The following CTSA variants were observed in gnomAD, a reference collection of about 807,000 sequenced individuals.
CTSA encodes the protein lysosomal protective protein.
CTSA carries 42 observed loss-of-function variants against 66.7 expected under a neutral mutation model. The observed-to-expected ratio is 0.63, with a 90% confidence interval of 0.49 to 0.81. The LOEUF is 0.81. CTSA is among the 40% of genes least tolerant of loss of function. The pLI is 0.00. For synonymous variants in CTSA, 225 were observed against 248.6 expected (o/e 0.91, Z 0.89); for missense variants, 525 against 610.9 (o/e 0.86, Z 1.48).
rs1280862492 is a variant in CTSA, at chr20:45,894,253, G to A, written c.777+181G>A. 4.4e-6 allele frequency: 3 copies of A among 675,544 alleles called. No homozygotes were observed. The East Asian group carries it at 8.1e-5, about 18-fold the overall frequency. 41.8% of individuals were successfully genotyped at this position (675,544 alleles called of 1,614,324 possible). A position where few individuals can be genotyped will look rare whatever the true frequency, so the allele number is the denominator to read the frequency against. On this transcript the variant is annotated intron_variant, in intron 8 of 14. Transcript: ENST00000646241. ...TATTCCCACCACCACCTCCTATGGT[G>A]GCAAATCCCATAACCTCCGTGAGGA...
intron 11 of CTSA, 137 bp from the exon 12 acceptor site, chr20:45,896,828 C>A: frequency 2.6e-6 from 2 of 765,034 alleles, no homozygotes; most frequent in Non-Finnish European, 4.6e-6. Context: ...AGAGGTGGCC[C>A]CCCCCCAAAA....
chr20:45,894,581 G>A (rs917769500), intron 8 of CTSA, 69 bp from the exon 9 acceptor site: 5 of 1,378,822 alleles, frequency 3.6e-6, no homozygotes, highest in Non-Finnish European at 5.2e-6. Context: ...GTAAATCTTG[G>A]GACAACTTGG....
intron 7 of CTSA, among the ~76,000 whole-genome samples, 189 bp from the exon 8 acceptor site, chr20:45,893,799 G>A (rs899597517): frequency 3.3e-5 from 5 of 152,120 alleles, no homozygotes; most frequent in African/African-American, 1.2e-4. Flanking sequence ...GAACTAAGGA[G>A]GCCTGTCTGT....
chr20:45,896,011 A>G (rs1473828977), intron 11 of CTSA, among the ~76,000 whole-genome samples: 1 of 152,196 alleles, frequency 6.6e-6, no homozygotes, highest in Non-Finnish European at 1.5e-5. Flanking sequence ...CCTGGCCAAC[A>G]TGAAGAAACC....
chr20:45,892,388 T>TC lies in CTSA; in HGVS notation c.358-6dup. On this transcript the variant is annotated splice_polypyrimidine_tract_variant and intron_variant, in intron 4 of 14. Coordinates refer to ENST00000646241, the MANE Select transcript of CTSA (RefSeq NM_000308.4). Reference sequence around the variant, plus strand: ...GGGTGGCATTTAGCTAATTTTTCCCTCCCCTCTAGATTGCCAATGTGTTAT... The same window carrying TC: ...GGGTGGCATTTAGCTAATTTTTCCCTCCCCCTCTAGATTGCCAATGTGTTAT... 2 of 1,613,968 alleles carry TC rather than the reference T, an allele frequency of 1.2e-6. No individual in the cohort carries two copies. Among genetic ancestry groups the TC allele is most frequent in the Non-Finnish European group, 1.7e-6 (2 of 1,179,896 alleles).
Position 45,895,019 on chromosome 20 carries a change from T to C in CTSA, c.974T>C (p.Val325Ala), listed in dbSNP as rs1987171419. 1 of 1,614,086 alleles carries C rather than the reference T, an allele frequency of 6.2e-7. No homozygotes were observed. The highest frequency in any genetic ancestry group is 8.5e-7 in the Non-Finnish European group (1 of 1,180,016). The change falls in exon 11 of 15, where the codon GTG becomes GCG. Residue 325 changes from valine (V) to alanine (A), a missense_variant. Physicochemically the swap from Val to Ala is moderately conservative, Grantham distance 64. Coordinates refer to ENST00000646241, the MANE Select transcript of CTSA (RefSeq NM_000308.4). Reference protein sequence around the residue: ...HQALLRSGDKVRMDPPCTNTT... With the variant: ...HQALLRSGDKARMDPPCTNTT... ...GCACTGCTGCGCTCAGGGGATAAAGTGCGCATGGACCCCCCCTGCACCAAC... is the reference window on the plus strand; with the variant it reads ...GCACTGCTGCGCTCAGGGGATAAAGCGCGCATGGACCCCCCCTGCACCAAC...
At position 45,892,427 on chromosome 20, in the gene CTSA, A is replaced by C; in HGVS notation, c.387A>C (p.Pro129=). 6.2e-7 allele frequency: 1 copy of C among 1,614,154 alleles called. No homozygotes were observed. Residue 129 remains proline, a synonymous_variant, in exon 5 of 15, where the codon CCA becomes CCC. Coordinates refer to ENST00000646241, the MANE Select transcript of CTSA (RefSeq NM_000308.4). ...LIANVLYLES[P]AGVGFSYSDD... is the part of the protein sequence containing the mutation. ...CCAATGTGTTATACCTGGAGTCCCC[A>C]GCTGGGGTGGGCTTCTCCTACTCCG...
chr20:45,891,974 G>A lies in CTSA; in HGVS notation c.253G>A (p.Gly85Ser). The change falls in exon 3 of 15, where the codon GGT becomes AGT. Residue 85 changes from glycine (G) to serine (S), a missense_variant. By Grantham distance (56) the Gly-to-Ser change is moderately conservative. Around this residue, in one of 3 missense-constraint regions of CTSA, gnomAD observed 246 missense variants for 267.4 expected, o/e 0.92. Coordinates refer to ENST00000646241, the MANE Select transcript of CTSA (RefSeq NM_000308.4). The surrounding 1 kb of genome is among the most constrained non-coding windows in gnomAD (Gnocchi z 4.6). ...CCCTGTGGTGCTTTGGCTCAATGGG[G>A]GTCCCGGCTGCAGCTCACTAGATGG... Reference protein sequence around the residue: ...NSPVVLWLNGGPGCSSLDGLL... With the variant: ...NSPVVLWLNGSPGCSSLDGLL... The A allele has an allele frequency of 6.2e-7, 1 of 1,614,132 alleles. No homozygotes were observed. The highest frequency in any genetic ancestry group is 8.5e-7 in the Non-Finnish European group (1 of 1,180,022).
intron 8 of CTSA, 85 bp from the exon 9 acceptor site, chr20:45,894,565 A>C: frequency 1.6e-6 from 2 of 1,230,018 alleles, no homozygotes; most frequent in Non-Finnish European, 2.4e-6. Flanking sequence ...GTGAAATCCA[A>C]GAGCAGTAAA....
Position 45,898,557 on chromosome 20 carries a change from A to G in CTSA, c.*107A>G. 1 of 1,091,670 alleles carries G rather than the reference A, an allele frequency of 9.2e-7. No homozygotes were observed. Among genetic ancestry groups the G allele is most frequent in the Non-Finnish European group, 1.4e-6 (1 of 736,756 alleles). 67.6% of individuals were successfully genotyped at this position (1,091,670 alleles called of 1,614,324 possible). A position where few individuals can be genotyped will look rare whatever the true frequency, so the allele number is the denominator to read the frequency against. On this transcript the variant is annotated 3_prime_UTR_variant, in exon 15 of 15. Coordinates refer to ENST00000646241, the MANE Select transcript of CTSA (RefSeq NM_000308.4). This position sits in a 1 kb window ranked among gnomAD's most constrained non-coding sequence, Gnocchi z 4.6. Reference sequence around the variant, plus strand: ...CCCCTGCAGGCCGGGTTCTGCCGCCAGGACTGCCCCCTTCCCAGAGCCCTG... The same window carrying G: ...CCCCTGCAGGCCGGGTTCTGCCGCCGGGACTGCCCCCTTCCCAGAGCCCTG...
chr20:45,896,919 C>G, intron 11 of CTSA, 46 bp from the exon 12 acceptor site: 2 of 1,500,832 alleles, frequency 1.3e-6, no homozygotes, highest in South Asian at 1.1e-5. Context: ...GACTACTTTT[C>G]GCCCCGACCT....
rs578201110 is a variant in CTSA at position 45,891,511 on chromosome 20, G to C, written c.1-58G>C. 4 of 1,557,940 alleles carry C rather than the reference G, an allele frequency of 2.6e-6. No homozygotes were observed. The highest frequency in any genetic ancestry group is 3.5e-6 in the Non-Finnish European group (4 of 1,153,738). ...GAGGCGCCGCCAGCAACTCCCCGGG[G>C]GCTGCTGCACGGAAGCGCTGAGGAG... On this transcript the variant is annotated intron_variant, in intron 1 of 14. Transcript: ENST00000646241. This position sits in a 1 kb window ranked among gnomAD's most constrained non-coding sequence, Gnocchi z 4.6.
Position 45,898,551 on chromosome 20 carries a change from G to A in CTSA, c.*101G>A. On this transcript the variant is annotated 3_prime_UTR_variant, in exon 15 of 15. Coordinates refer to ENST00000646241, the MANE Select transcript of CTSA (RefSeq NM_000308.4). The surrounding 1 kb of genome is among the most constrained non-coding windows in gnomAD (Gnocchi z 4.6). ...AAAGTGCCCCTGCAGGCCGGGTTCT[G>A]CCGCCAGGACTGCCCCCTTCCCAGA... The A allele has an allele frequency of 1.7e-6, 2 of 1,185,738 alleles. No individual in the cohort carries two copies. The highest frequency in any genetic ancestry group is 2.0e-5 in the Admixed American group (1 of 51,238). The allele number at this position is 1,185,738 out of a possible 1,614,324, so 73.5% of individuals were successfully genotyped here. A position where few individuals can be genotyped will look rare whatever the true frequency, so the allele number is the denominator to read the frequency against.
intron 12 of CTSA, 143 bp downstream of exon 12, chr20:45,897,183 G>T: frequency 1.3e-6 from 1 of 757,056 alleles, no homozygotes; most frequent in Non-Finnish European, 2.3e-6. Context: ...GTGATTGGTG[G>T]GGTCAGAATT....
At position 45,898,385 on chromosome 20, in the gene CTSA, C is replaced by G. The variant is rs755298798; in HGVS notation, c.1378C>G (p.Pro460Ala). The change falls in exon 15 of 15, where the codon CCC becomes GCC. Residue 460 changes from proline to alanine, a missense_variant. Coordinates refer to ENST00000646241, the MANE Select transcript of CTSA (RefSeq NM_000308.4). The surrounding 1 kb of genome is among the most constrained non-coding windows in gnomAD (Gnocchi z 4.6). ...LTIKGAGHMVPTDKPLAAFTM... is the reference protein window; with the variant it reads ...LTIKGAGHMVATDKPLAAFTM... ...TCCTCAGGGCGCCGGCCACATGGTT[C>G]CCACCGACAAGCCCCTCGCTGCCTT... is the stretch of plus-strand genomic sequence containing the variant. 1 of 1,613,938 alleles carries G rather than the reference C, an allele frequency of 6.2e-7. No homozygotes were observed. Among genetic ancestry groups the G allele is most frequent in the Non-Finnish European group, 8.5e-7 (1 of 1,179,922 alleles).
In CTSA at chr20:45,898,567, C is replaced by CCT. The variant is rs1438798539; in HGVS notation, c.*118_*119dup. 4 of 1,010,136 alleles carry CCT rather than the reference C, an allele frequency of 4.0e-6. No individual in the cohort carries two copies. Among genetic ancestry groups the CCT allele is most frequent in the Non-Finnish European group, 4.5e-6 (3 of 664,484 alleles). 62.6% of individuals were successfully genotyped at this position (1,010,136 alleles called of 1,614,324 possible). A position where few individuals can be genotyped will look rare whatever the true frequency, so the allele number is the denominator to read the frequency against. On this transcript the variant is annotated 3_prime_UTR_variant, in exon 15 of 15. Transcript: ENST00000646241. The surrounding 1 kb of genome is among the most constrained non-coding windows in gnomAD (Gnocchi z 4.6). ...CCGGGTTCTGCCGCCAGGACTGCCC[C>CCT]CTTCCCAGAGCCCTGTACATCCCAG...
chr20:45,891,352 T>C lies in CTSA; in HGVS notation c.-28T>C. ...TGACTTCCAGTCCCCGGGCGCCTCC[T>C]GGAGAGCAAGGACGCGGGGGAGCAG... On this transcript the variant is annotated 5_prime_UTR_variant, in exon 1 of 15. Transcript: ENST00000646241. The surrounding 1 kb of genome is among the most constrained non-coding windows in gnomAD (Gnocchi z 4.6). 2 of 1,573,552 alleles carry C rather than the reference T, an allele frequency of 1.3e-6. No homozygotes were observed. The highest frequency in any genetic ancestry group is 2.3e-5 in the East Asian group (1 of 42,944).
chr20:45,893,348 G>A (rs1568763302), intron 7 of CTSA, 37 bp downstream of exon 7: 1 of 1,499,520 alleles, frequency 6.7e-7, no homozygotes, highest in Non-Finnish European at 9.3e-7. Context: ...TCTGGGGTGA[G>A]GCAGGTCACA....
Position 45,898,043 on chromosome 20 carries a change from G to A in CTSA, c.1293G>A (p.Gly431=), listed in dbSNP as rs745656998. 14 of 1,614,094 alleles carry A rather than the reference G, an allele frequency of 8.7e-6. No individual in the cohort carries two copies. In the South Asian group the frequency reaches 1.5e-4, roughly 18 times the overall value. The stretch of plus-strand genomic sequence containing the variant: ...GCCGGCCCTGGTTAGTGAAGTACGG[G>A]GACAGCGGGGAGCAGATTGCCGGCT... The part of the protein sequence containing the change: ...VQRRPWLVKY[G]DSGEQIAGFV... Residue 431 remains glycine, a synonymous_variant, in exon 14 of 15, where the codon GGG becomes GGA. Coordinates refer to ENST00000646241, the MANE Select transcript of CTSA (RefSeq NM_000308.4). The surrounding 1 kb of genome is among the most constrained non-coding windows in gnomAD (Gnocchi z 4.6).
Sources: allele counts gnomAD v4.1 joint callset (sites outside exome capture counted in the v4.1 genomes callset), GRCh38; gene constraint gnomAD v4.1.1; regional missense constraint gnomAD v4.1.1; non-coding constraint Gnocchi (gnomAD v3.1); transcripts MANE v1.5; gene names NCBI Gene and HGNC (gene_info 2026-07-23, HGNC 2026-07-21).